TACR3: variants seen among roughly 807,000 people sequenced by gnomAD.
TACR3 encodes tachykinin receptor 3, also known as neuromedin-K receptor.
In TACR3, 34 loss-of-function variants were observed where a neutral mutation model predicts 35.0. That is an observed-to-expected ratio of 0.97 (90% CI 0.74 to 1.30). TACR3 has a LOEUF of 1.30. TACR3 is among the 50% of genes most tolerant of loss of function. The pLI, the probability that TACR3 is intolerant of heterozygous loss-of-function variation, is 0.00. For synonymous variants in TACR3, 233 were observed against 221.1 expected (o/e 1.05, Z -0.48); for missense variants, 558 against 591.7 (o/e 0.94, Z 0.59).
chr4:103,695,744 T>C (rs1404654739), intron 1 of TACR3, among the ~76,000 whole-genome samples: 1 of 150,840 alleles, frequency 6.6e-6, no homozygotes, highest in Non-Finnish European at 1.5e-5. Context: ...TGTGTGTGTG[T>C]AAAGTTTACT....
intron 1 of TACR3, among the ~76,000 whole-genome samples, chr4:103,713,768 C>T (rs1319537429): frequency 1.3e-5 from 2 of 152,010 alleles, no homozygotes; most frequent in Admixed American, 1.3e-4. Flanking sequence ...AGGCCCAGAA[C>T]TTAGTATAAA....
At chr4:103,711,339 T>G (rs1393776609) in intron 1 of TACR3, among the ~76,000 whole-genome samples, 2 of 152,236 alleles carry the variant, frequency 1.3e-5, no homozygotes, top group African/African-American at 4.8e-5. Flanking sequence ...TGGTTCAACA[T>G]ACGCAAATCA....
At chr4:103,679,757 T>C (rs1726248360) in intron 1 of TACR3, among the ~76,000 whole-genome samples, 1 of 151,856 alleles carries the variant, frequency 6.6e-6, no homozygotes, top group Non-Finnish European at 1.5e-5. Flanking sequence ...TGACTGTAGA[T>C]AACTGCAGGG....
intron 3 of TACR3, among the ~76,000 whole-genome samples, chr4:103,605,659 A>C (rs1282587726): frequency 6.6e-6 from 1 of 151,988 alleles, no homozygotes; most frequent in African/African-American, 2.4e-5. Flanking sequence ...TCCTTCACCC[A>C]CTTTTCGATG....
At chr4:103,593,439 A>T (rs1009852518) in intron 3 of TACR3, 1 of 152,214 alleles carries the variant, frequency 6.6e-6, no homozygotes, top group African/African-American at 2.4e-5. Context: ...TGTGGTGAGT[A>T]TGAACATGTG....
At chr4:103,626,458 G>T (rs573659772) in intron 3 of TACR3, among the ~76,000 whole-genome samples, 1 of 152,028 alleles carries the variant, frequency 6.6e-6, no homozygotes, top group Non-Finnish European at 1.5e-5. Flanking sequence ...GGAAAAAGAC[G>T]TATAGCTGGT....
intron 3 of TACR3, among the ~76,000 whole-genome samples, chr4:103,653,577 T>C (rs921020639): frequency 3.4e-4 from 52 of 151,932 alleles, no homozygotes; most frequent in African/African-American, 9.7e-4. Flanking sequence ...CATGTTCGAC[T>C]TAAAACCATA....
intron 3 of TACR3, among the ~76,000 whole-genome samples, chr4:103,603,627 A>G (rs1307614233): frequency 6.6e-6 from 1 of 152,222 alleles, no homozygotes; most frequent in Non-Finnish European, 1.5e-5. Flanking sequence ...GTGCTGCAAT[A>G]AACATACGTG....
At chr4:103,710,391 G>C (rs7672670) in intron 1 of TACR3, among the ~76,000 whole-genome samples, 50,200 of 152,000 alleles carry the variant, frequency 0.33, 12,821 homozygotes, top group African/African-American at 0.71. Context: ...ACTGAACAAC[G>C]TGCTCCTGAA....
intron 1 of TACR3, among the ~76,000 whole-genome samples, chr4:103,668,872 T>C (rs1348832746): frequency 6.6e-6 from 1 of 151,262 alleles, no homozygotes; most frequent in African/African-American, 2.4e-5. Context: ...AAGTCGTATG[T>C]ATTTATGAAG....
rs750591352 is a variant in TACR3 at position 103,719,231 on chromosome 4, T to C, written c.445A>G (p.Ser149Gly). ...TLVNFIYALH[S>G]EWYFGANYCR... is the part of the protein sequence containing the mutation. ...TAGTTGGCGCCAAAGTACCACTCGC[T>C]ATGAAGCGCGTAGATGAAATTGACC... Residue 149 changes from serine (S) to glycine (G), a missense_variant, in exon 1 of 5, where the codon AGC (serine) becomes GGC (glycine). Ser to Gly is a moderately conservative substitution (Grantham distance 56, BLOSUM62 0). Transcript: ENST00000304883. 5.6e-6 allele frequency: 9 copies of C among 1,614,062 alleles called. No individual in the cohort carries two copies. In the East Asian group the frequency reaches 6.7e-5, roughly 12 times the overall value.
chr4:103,641,006 A>T (rs1725344208), intron 3 of TACR3, among the ~76,000 whole-genome samples: 1 of 151,686 alleles, frequency 6.6e-6, no homozygotes, highest in Admixed American at 6.6e-5. Flanking sequence ...CTTTCCCCTT[A>T]TTTTTTCTTC....
chr4:103,656,014 AC>A (rs1172604518), intron 3 of TACR3, among the ~76,000 whole-genome samples, 179 bp downstream of exon 3: 1 of 152,114 alleles, frequency 6.6e-6, no homozygotes, highest in Admixed American at 6.6e-5. Context: ...CAGACTGATT[AC>A]AGTATGTGGA....
chr4:103,631,346 G>T (rs566620117), intron 3 of TACR3, among the ~76,000 whole-genome samples: 9 of 151,750 alleles, frequency 5.9e-5, no homozygotes, highest in Admixed American at 2.6e-4. Flanking sequence ...AATAATAAAT[G>T]CATGGTATAG....
chr4:103,716,637 A>AT (rs1723097132), intron 1 of TACR3, among the ~76,000 whole-genome samples: 1 of 152,158 alleles, frequency 6.6e-6, no homozygotes, highest in African/African-American at 2.4e-5. Flanking sequence ...TCTCAGAGTC[A>AT]TAAGAGGCTG....
rs373261090 is a variant in TACR3, at chr4:103,650,732, T to TA, written c.888+5461_888+5462insT. Among the ~76,000 whole-genome samples the TA allele has an allele frequency of 1.5e-3, 52 of 35,372 alleles. 1 individual carries two copies. Among genetic ancestry groups the TA allele is most frequent in the Non-Finnish European group, 2.0e-3 (47 of 24,054 alleles). 23.2% of individuals were successfully genotyped at this position (35,372 alleles called of 152,430 possible). ...ATAAATATATATAAATAAATATATA[T>TA]TATATCATATATAATATATATATTA... On this transcript the variant is annotated intron_variant, in intron 3 of 4. Coordinates refer to ENST00000304883, the MANE Select transcript of TACR3 (RefSeq NM_001059.3).
chr4:103,637,470 A>G (rs532326360), intron 3 of TACR3, among the ~76,000 whole-genome samples: 3,956 of 152,152 alleles, frequency 0.026, 175 homozygotes, highest in African/African-American at 0.09. Context: ...TGACAAACCC[A>G]CAGCCAATAT....
intron 3 of TACR3, among the ~76,000 whole-genome samples, chr4:103,622,252 AGATT>A (rs1724799437): frequency 6.6e-6 from 1 of 152,214 alleles, no homozygotes; most frequent in South Asian, 2.1e-4. Flanking sequence ...AAGGTGTAAA[AGATT>A]GATAAGAGAA....
intron 3 of TACR3, among the ~76,000 whole-genome samples, chr4:103,646,096 G>A (rs1725449913): frequency 6.6e-6 from 1 of 151,948 alleles, no homozygotes; most frequent in African/African-American, 2.4e-5. Flanking sequence ...TGATATTTTT[G>A]TTATTGGTCA....
Sources: allele counts gnomAD v4.1 joint callset (sites outside exome capture counted in the v4.1 genomes callset), GRCh38; gene constraint gnomAD v4.1.1; transcripts MANE v1.5; gene names NCBI Gene and HGNC (gene_info 2026-07-23, HGNC 2026-07-21).